The following UBR3 variants were observed in gnomAD, a reference collection of about 807,000 sequenced individuals.
The protein encoded by UBR3 is E3 ubiquitin-protein ligase UBR3.
A neutral mutation model predicts 243.2 loss-of-function variants in UBR3; 85 were observed. The ratio of observed to expected loss-of-function variants is 0.35; its 90% confidence interval spans 0.29 to 0.42. The LOEUF (loss-of-function observed/expected upper bound fraction) is 0.42. Among genes scored for constraint, UBR3 ranks in the 10% least tolerant of loss-of-function variants. The probability of loss-of-function intolerance (pLI) is 1.00; values close to 1 mark genes in which losing one functional copy is unlikely to be tolerated. For missense variants in UBR3, 1,686 were observed against 2,300.8 expected (o/e 0.73, Z 5.47); for synonymous variants, 748 against 799.8 (o/e 0.94, Z 1.09).
intron 8 of UBR3, among the ~76,000 whole-genome samples, chr2:169,902,703 G>A (rs1316830196): frequency 2.6e-5 from 4 of 151,640 alleles, no homozygotes; most frequent in South Asian, 4.2e-4. Context: ...TCCGCCTCCC[G>A]GGTTCAAGTG....
chr2:169,945,339 A>G (rs926125895), intron 20 of UBR3, among the ~76,000 whole-genome samples: 7 of 152,194 alleles, frequency 4.6e-5, no homozygotes, highest in African/African-American at 1.7e-4. Flanking sequence ...GCCACACAAC[A>G]GATGAATATA....
chr2:169,952,406 A>G (rs1041402151), intron 23 of UBR3, among the ~76,000 whole-genome samples: 5 of 152,236 alleles, frequency 3.3e-5, no homozygotes, highest in Admixed American at 1.3e-4. Context: ...GAGCAATTTT[A>G]GTCACATATA....
chr2:169,960,851 G>A (rs1019804230), intron 24 of UBR3, among the ~76,000 whole-genome samples: 4 of 152,034 alleles, frequency 2.6e-5, no homozygotes, highest in African/African-American at 9.7e-5. Context: ...TTGAGTACAA[G>A]ACTAGATAAT....
At chr2:169,888,865 A>G (rs1054118353) in intron 5 of UBR3, among the ~76,000 whole-genome samples, 1 of 152,176 alleles carries the variant, frequency 6.6e-6, no homozygotes, top group African/African-American at 2.4e-5. Flanking sequence ...TTTATATGGT[A>G]CAGGTGTGCT....
At chr2:169,918,488 ATTT>A (rs34312357) in intron 11 of UBR3, among the ~76,000 whole-genome samples, 2 of 141,694 alleles carry the variant, frequency 1.4e-5, no homozygotes, top group Non-Finnish European at 1.5e-5. Flanking sequence ...CAAGCAAATA[ATTT>A]TTTTTTTTTT....
At chr2:169,962,756 T>C (rs958590098) in intron 24 of UBR3, among the ~76,000 whole-genome samples, 7 of 152,324 alleles carry the variant, frequency 4.6e-5, no homozygotes, top group Admixed American at 3.9e-4. Context: ...TTTCTTTTTT[T>C]TCTTTATCTG....
intron 25 of UBR3, among the ~76,000 whole-genome samples, chr2:169,987,265 C>T (rs77978944): frequency 2.0e-5 from 3 of 151,600 alleles, no homozygotes; most frequent in East Asian, 1.9e-4. Flanking sequence ...TGGTGGAGGG[C>T]GCCTGTAATC....
At chr2:169,894,930 T>A (rs530701459) in intron 6 of UBR3, among the ~76,000 whole-genome samples, 1 of 152,312 alleles carries the variant, frequency 6.6e-6, no homozygotes, top group African/African-American at 2.4e-5. Flanking sequence ...ATACCTTTAT[T>A]TAAAAAGGGC....
At chr2:169,917,413 T>C (rs1316767803) in intron 11 of UBR3, among the ~76,000 whole-genome samples, 3 of 152,218 alleles carry the variant, frequency 2.0e-5, no homozygotes, top group Admixed American at 1.3e-4. Context: ...TCAGGAATTA[T>C]TGTTGAAATA....
At chr2:170,051,964 G>A (rs2091229260) in intron 32 of UBR3, among the ~76,000 whole-genome samples, 1 of 151,452 alleles carries the variant, frequency 6.6e-6, no homozygotes, top group African/African-American at 2.4e-5. Flanking sequence ...TTTTCCCATA[G>A]CTTTAACTAT....
intron 33 of UBR3, among the ~76,000 whole-genome samples, chr2:170,059,974 TAC>T (rs1205666267): frequency 6.6e-6 from 1 of 152,196 alleles, no homozygotes; most frequent in African/African-American, 2.4e-5. Context: ...TTTTGGAATT[TAC>T]AGTCTAGTTG....
At chr2:170,020,703 C>G (rs1293760769) in intron 30 of UBR3, among the ~76,000 whole-genome samples, 1 of 152,202 alleles carries the variant, frequency 6.6e-6, no homozygotes, top group African/African-American at 2.4e-5. Context: ...TATACTTTAT[C>G]TACAGTCATA....
intron 29 of UBR3, among the ~76,000 whole-genome samples, chr2:170,012,672 G>GT (rs150182050): frequency 0.43 from 29,649 of 68,722 alleles, 3,289 homozygotes; most frequent in South Asian, 0.58. Flanking sequence ...TGAAGATACT[G>GT]GTTTTTTTTT....
intron 13 of UBR3, among the ~76,000 whole-genome samples, 159 bp from the exon 14 acceptor site, chr2:169,925,460 A>T (rs1353457360): frequency 1.3e-5 from 2 of 152,196 alleles, no homozygotes; most frequent in African/African-American, 2.4e-5. Flanking sequence ...GTTAAAAAAA[A>T]TGTAAAAATG....
At chr2:170,065,497 C>G (rs2091544693) in intron 35 of UBR3, among the ~76,000 whole-genome samples, 1 of 152,130 alleles carries the variant, frequency 6.6e-6, no homozygotes, top group African/African-American at 2.4e-5. Context: ...CCATGTTGGT[C>G]AGGCGGGCTG....
rs1255881148 is a variant in UBR3 at position 169,890,563 on chromosome 2, A to ATATATATATG, written c.1039-601_1039-600insATATATATGT. Among the ~76,000 whole-genome samples the ATATATATATG allele has an allele frequency of 9.2e-4, 77 of 83,844 alleles. 1 individual carries two copies. The highest frequency in any genetic ancestry group is 0.013 in the Middle Eastern group (2 of 156). The allele number at this position is 83,844 out of a possible 152,430, so 55.0% of individuals were successfully genotyped here. ...GAGATATATATATATATATATATAT[A>ATATATATATG]TGTGTATATATATATATGTATATAT... On this transcript the variant is annotated intron_variant, in intron 5 of 38. Coordinates refer to ENST00000272793, the MANE Select transcript of UBR3 (RefSeq NM_172070.4).
rs112251656 is a variant in UBR3 at position 169,950,158 on chromosome 2, T to A, written c.3545+93T>A. The stretch of plus-strand genomic sequence containing the variant: ...CATTTGAGGATAATCACCTGGATGT[T>A]TAACAGGAACAGTCATAGCTGATTA... On this transcript the variant is annotated intron_variant, in intron 23 of 38. Transcript: ENST00000272793. The A allele has an allele frequency of 1.3e-4, 156 of 1,181,810 alleles. No individual in the cohort carries two copies. The African/African-American group carries it at 1.8e-3, about 13-fold the overall frequency. The allele number at this position is 1,181,810 out of a possible 1,614,324, so 73.2% of individuals were successfully genotyped here. A position where few individuals can be genotyped will look rare whatever the true frequency, so the allele number is the denominator to read the frequency against.
At chr2:170,059,339 G>T (rs958011967) in intron 33 of UBR3, among the ~76,000 whole-genome samples, 4 of 152,112 alleles carry the variant, frequency 2.6e-5, no homozygotes, top group African/African-American at 9.7e-5. Context: ...CTCTTCTGTT[G>T]TACTCTTTGA....
chr2:169,843,052 A>G (rs1462447771), intron 1 of UBR3, among the ~76,000 whole-genome samples: 2 of 152,122 alleles, frequency 1.3e-5, no homozygotes, highest in East Asian at 1.9e-4. Context: ...TTTTATGGCA[A>G]TCTAAGCTTT....
Sources: allele counts gnomAD v4.1 joint callset (sites outside exome capture counted in the v4.1 genomes callset), GRCh38; gene constraint gnomAD v4.1.1; transcripts MANE v1.5; gene names NCBI Gene and HGNC (gene_info 2026-07-23, HGNC 2026-07-21).